AJAP1: variants seen among roughly 807,000 people sequenced by gnomAD.
AJAP1 encodes the protein adherens junctions associated protein 1.
In AJAP1, 5 loss-of-function variants were observed where a neutral mutation model predicts 35.0. The ratio of observed to expected loss-of-function variants is 0.14; its 90% CI spans 0.07 to 0.30. The LOEUF (loss-of-function observed/expected upper bound fraction) is 0.30. AJAP1 is among the 10% of genes least tolerant of loss of function. The probability of loss-of-function intolerance (pLI) is 1.00; values close to 1 mark genes in which losing one functional copy is unlikely to be tolerated. For synonymous variants in AJAP1, 284 were observed against 249.3 expected (o/e 1.14, Z -1.31); for missense variants, 586 against 571.0 (o/e 1.03, Z -0.27).
chr1:4,712,485 G>C lies in AJAP1; in HGVS notation c.615G>C (p.Thr205=). The C allele has an allele frequency of 6.2e-7, 1 of 1,612,236 alleles. No homozygotes were observed. The highest frequency in any genetic ancestry group is 8.5e-7 in the Non-Finnish European group (1 of 1,179,416). ...TTCCGGGCGTTTACGGCCCCACCAC[G>C]GTCTCCATCCTACAAACACGGAAGA... ...NTFPGVYGPT[T]VSILQTRKTT... Residue 205 remains threonine, a synonymous_variant, in exon 2 of 6, where the codon ACG becomes ACC. Coordinates refer to ENST00000378191, the MANE Select transcript of AJAP1 (RefSeq NM_018836.4).
At chr1:4,677,743 C>CA (rs76101598) in intron 1 of AJAP1, among the ~76,000 whole-genome samples, 11 of 150,240 alleles carry the variant, frequency 7.3e-5, no homozygotes, top group Non-Finnish European at 1.2e-4. Context: ...GATGTGCATT[C>CA]AAAAAAAAAA....
chr1:4,748,127 G>C (rs547870363), intron 2 of AJAP1, among the ~76,000 whole-genome samples: 3 of 152,078 alleles, frequency 2.0e-5, no homozygotes, highest in African/African-American at 7.2e-5. Context: ...CCCCTCACCT[G>C]ACCTTCAGAG....
chr1:4,657,163 A>G (rs1171026652), intron 1 of AJAP1, among the ~76,000 whole-genome samples: 2 of 152,244 alleles, frequency 1.3e-5, no homozygotes, highest in Non-Finnish European at 2.9e-5. Context: ...AAGGGAGAGA[A>G]GAGCAAATAT....
At chr1:4,771,119 T>C (rs1180821537) in intron 3 of AJAP1, among the ~76,000 whole-genome samples, 2 of 152,148 alleles carry the variant, frequency 1.3e-5, no homozygotes, top group African/African-American at 2.4e-5. Flanking sequence ...TGACAAGCCT[T>C]CATCTTGCTT....
At chr1:4,741,015 A>C (rs1641056420) in intron 2 of AJAP1, among the ~76,000 whole-genome samples, 1 of 152,078 alleles carries the variant, frequency 6.6e-6, no homozygotes, top group South Asian at 2.1e-4. Flanking sequence ...CGACTCTGCA[A>C]CTACAAAGTC....
At chr1:4,763,292 C>A (rs960617330) in intron 2 of AJAP1, among the ~76,000 whole-genome samples, 1 of 152,226 alleles carries the variant, frequency 6.6e-6, no homozygotes, top group Non-Finnish European at 1.5e-5. Context: ...CTGGGGACTG[C>A]CCTTCACTGT....
intron 2 of AJAP1, among the ~76,000 whole-genome samples, chr1:4,724,104 C>G (rs1640590971): frequency 6.6e-6 from 1 of 152,226 alleles, no homozygotes; most frequent in African/African-American, 2.4e-5. Flanking sequence ...CGACATGGCC[C>G]CTGCCATTGC....
In AJAP1 at chr1:4,787,675, C is replaced by T. The variant is rs1205634046; in HGVS notation, c.*5190C>T. The T allele has an allele frequency of 8.8e-6, 4 of 455,992 alleles. No homozygotes were observed. Among genetic ancestry groups the T allele is most frequent in the Admixed American group, 2.4e-5 (1 of 42,548 alleles). 28.2% of individuals were successfully genotyped at this position (455,992 alleles called of 1,614,324 possible). ...CCCCATCCCTGGGCACTGGCTCTGC[C>T]CAGCCCCTCCCATGTTGGTCCCATC... On this transcript the variant is annotated 3_prime_UTR_variant, in exon 6 of 6. Transcript: ENST00000378191.
intron 1 of AJAP1, among the ~76,000 whole-genome samples, chr1:4,707,888 C>T (rs868578877): frequency 3.1e-4 from 47 of 151,436 alleles, no homozygotes; most frequent in African/African-American, 1.1e-3. Flanking sequence ...CTCATCTCCT[C>T]GTGTCCTCGC....
chr1:4,730,114 C>G (rs989414754), intron 2 of AJAP1, among the ~76,000 whole-genome samples: 4 of 152,164 alleles, frequency 2.6e-5, no homozygotes, highest in African/African-American at 4.8e-5. Context: ...GGGACTCTGC[C>G]GGATATGTCG....
intron 1 of AJAP1, among the ~76,000 whole-genome samples, chr1:4,682,770 T>C (rs576058082): frequency 6.6e-6 from 1 of 152,252 alleles, no homozygotes; most frequent in South Asian, 2.1e-4. Flanking sequence ...ATGGTGATTA[T>C]GATGTTGGGG....
intron 2 of AJAP1, among the ~76,000 whole-genome samples, chr1:4,757,087 C>T (rs755304846): frequency 1.3e-5 from 2 of 152,134 alleles, no homozygotes; most frequent in African/African-American, 4.8e-5. Flanking sequence ...TAAGGGAGCC[C>T]GAGCGAGGCT....
chr1:4,767,373 C>A (rs947312623), intron 2 of AJAP1, among the ~76,000 whole-genome samples: 2 of 151,942 alleles, frequency 1.3e-5, no homozygotes, highest in Non-Finnish European at 2.9e-5. Flanking sequence ...TTATTACCAT[C>A]GTCACCATCA....
chr1:4,677,633 G>A (rs16839451), intron 1 of AJAP1, among the ~76,000 whole-genome samples: 26,098 of 151,964 alleles, frequency 0.17, 2,632 homozygotes, highest in South Asian at 0.31. Context: ...GCCATTCAGC[G>A]GGCATAAAGC....
At chr1:4,752,470 A>G (rs940722594) in intron 2 of AJAP1, among the ~76,000 whole-genome samples, 8 of 152,184 alleles carry the variant, frequency 5.3e-5, no homozygotes, top group African/African-American at 1.7e-4. Flanking sequence ...TGTGAGCCCC[A>G]TTCGCAATCT....
rs768777082 is a variant in AJAP1 at position 4,712,037 on chromosome 1, CGCCGCCCCG to C, written c.179_187del (p.Pro60_Arg62del). ...CCGGAGTTCTGGCTCCTGCCGCGGT[CGCCGCCCCG>C]GCCGCCCCGGCTGTGGAGTTTTAGG... On this transcript the variant is annotated inframe_deletion, in exon 2 of 6. Coordinates refer to ENST00000378191, the MANE Select transcript of AJAP1 (RefSeq NM_018836.4). 2.5e-6 allele frequency: 4 copies of C among 1,593,106 alleles called. No homozygotes were observed. The highest frequency in any genetic ancestry group is 1.1e-5 in the South Asian group (1 of 88,314).
At chr1:4,764,229 C>G (rs749009330) in intron 2 of AJAP1, among the ~76,000 whole-genome samples, 3 of 152,162 alleles carry the variant, frequency 2.0e-5, no homozygotes, top group Non-Finnish European at 2.9e-5. Context: ...ATACATTCAC[C>G]CCTTGGAAGA....
At position 4,734,657 on chromosome 1, in the gene AJAP1, A is replaced by T. The variant is rs1640876311; in HGVS notation, c.829+21958A>T. On this transcript the variant is annotated intron_variant, in intron 2 of 5. Transcript: ENST00000378191. The surrounding 1 kb of genome is among the most constrained non-coding windows in gnomAD (Gnocchi z 4.3). ...AGGCCTCGTCACTGCAGGAGCTCGG[A>T]CTGCACTGGATGGGGCTGGAGTGGC... 6.6e-6 allele frequency among the ~76,000 whole-genome samples: 1 copy of T among 152,138 alleles called. No individual in the cohort carries two copies. The highest frequency in any genetic ancestry group is 2.4e-5 in the African/African-American group (1 of 41,432).
intron 1 of AJAP1, among the ~76,000 whole-genome samples, chr1:4,664,518 G>A (rs1427505336): frequency 2.0e-5 from 3 of 152,200 alleles, no homozygotes; most frequent in Non-Finnish European, 2.9e-5. Flanking sequence ...CCTGCTTAGA[G>A]TACAGCAGGG....
Sources: allele counts gnomAD v4.1 joint callset (sites outside exome capture counted in the v4.1 genomes callset), GRCh38; gene constraint gnomAD v4.1.1; non-coding constraint Gnocchi (gnomAD v3.1); transcripts MANE v1.5; gene names NCBI Gene and HGNC (gene_info 2026-07-23, HGNC 2026-07-21).